Variants in CPQ observed in about 807,000 individuals in gnomAD.
CPQ encodes Ser-Met dipeptidase.
CPQ carries 37 observed loss-of-function variants against 45.7 expected under a neutral mutation model. The observed-to-expected ratio is 0.81, with a 90% CI of 0.62 to 1.07. CPQ has a LOEUF of 1.07. Ranked by LOEUF, CPQ falls within the 50% of genes least tolerant of loss-of-function variation. The probability of loss-of-function intolerance (pLI) is 0.00; values close to 1 mark genes in which losing one functional copy is unlikely to be tolerated. For missense variants in CPQ, 537 were observed against 572.9 expected (o/e 0.94, Z 0.64); for synonymous variants, 186 against 205.8 (o/e 0.90, Z 0.82).
At chr8:96,866,968 C>G (rs1489748353) in intron 3 of CPQ, among the ~76,000 whole-genome samples, 1 of 152,062 alleles carries the variant, frequency 6.6e-6, no homozygotes, top group African/African-American at 2.4e-5. Context: ...TTGCCTACTT[C>G]AAAGTACCAG....
intron 7 of CPQ, among the ~76,000 whole-genome samples, chr8:97,094,492 C>A (rs1390658653): frequency 6.6e-6 from 1 of 152,114 alleles, no homozygotes; most frequent in Non-Finnish European, 1.5e-5. Flanking sequence ...GTCACACACA[C>A]CTGTCACCAC....
At chr8:96,936,002 A>G (rs1252376810) in intron 4 of CPQ, among the ~76,000 whole-genome samples, 1 of 151,946 alleles carries the variant, frequency 6.6e-6, no homozygotes, top group Non-Finnish European at 1.5e-5. Flanking sequence ...CCAATGTCTT[A>G]TGAGCCCAAG....
chr8:96,826,328 C>T (rs903914970), intron 2 of CPQ, among the ~76,000 whole-genome samples: 1 of 152,032 alleles, frequency 6.6e-6, no homozygotes, highest in Non-Finnish European at 1.5e-5. Flanking sequence ...TTCTATCAGT[C>T]AGCCATAGAT....
chr8:97,131,591 C>G (rs114935458), intron 7 of CPQ, among the ~76,000 whole-genome samples: 2,072 of 152,304 alleles, frequency 0.014, 58 homozygotes, highest in African/African-American at 0.046. Flanking sequence ...GTCCCTCTAG[C>G]TATAATTCTA....
intron 3 of CPQ, among the ~76,000 whole-genome samples, chr8:96,855,128 G>A (rs1306894348): frequency 7.9e-5 from 12 of 152,138 alleles, no homozygotes; most frequent in African/African-American, 2.9e-4. Flanking sequence ...TGCTTGAATA[G>A]GGTCCACTCA....
At chr8:96,758,925 A>G (rs1383635592) in intron 1 of CPQ, among the ~76,000 whole-genome samples, 1 of 152,156 alleles carries the variant, frequency 6.6e-6, no homozygotes, top group African/African-American at 2.4e-5. Flanking sequence ...CATGTTTCAT[A>G]CATACCTACT....
chr8:96,727,247 T>A (rs1809855241), intron 1 of CPQ, among the ~76,000 whole-genome samples: 2 of 152,168 alleles, frequency 1.3e-5, no homozygotes, highest in Admixed American at 1.3e-4. Flanking sequence ...CAACAGCATT[T>A]TTTTTCTTTT....
intron 3 of CPQ, among the ~76,000 whole-genome samples, chr8:96,850,583 A>ATTTT (rs1157345356): frequency 1.8e-4 from 19 of 105,078 alleles, no homozygotes; most frequent in Middle Eastern, 5.2e-3. Flanking sequence ...ATTTTATTTT[A>ATTTT]TTTTATTTAT....
At chr8:97,082,335 C>T (rs753362323) in intron 7 of CPQ, among the ~76,000 whole-genome samples, 2 of 152,144 alleles carry the variant, frequency 1.3e-5, no homozygotes, top group Non-Finnish European at 2.9e-5. Context: ...GCAAAAAATT[C>T]ATCCTATCTG....
At chr8:97,039,589 C>T (rs908046795) in intron 6 of CPQ, among the ~76,000 whole-genome samples, 6 of 151,758 alleles carry the variant, frequency 4.0e-5, no homozygotes, top group South Asian at 2.1e-4. Context: ...CCCATTAACT[C>T]GTCATTTAGC....
chr8:96,692,306 A>G (rs111709198), intron 1 of CPQ, among the ~76,000 whole-genome samples: 3,541 of 151,996 alleles, frequency 0.023, 152 homozygotes, highest in African/African-American at 0.081. Flanking sequence ...GTTGTGGTTC[A>G]TAATAATTAT....
chr8:96,865,498 G>A (rs547416499), intron 3 of CPQ, among the ~76,000 whole-genome samples: 1 of 152,016 alleles, frequency 6.6e-6, no homozygotes, highest in Non-Finnish European at 1.5e-5. Context: ...GTGTATGGTC[G>A]ATATGCTACC....
At chr8:96,996,901 T>A (rs1271573224) in intron 5 of CPQ, among the ~76,000 whole-genome samples, 1 of 152,018 alleles carries the variant, frequency 6.6e-6, no homozygotes, top group Non-Finnish European at 1.5e-5. Flanking sequence ...ATTAGTGGAA[T>A]AAGGTAGGCA....
intron 7 of CPQ, among the ~76,000 whole-genome samples, chr8:97,082,852 T>C (rs1395374804): frequency 1.3e-5 from 2 of 152,186 alleles, no homozygotes; most frequent in Non-Finnish European, 2.9e-5. Flanking sequence ...TATTTATTTA[T>C]GTAAGTGTTA....
intron 1 of CPQ, among the ~76,000 whole-genome samples, chr8:96,649,228 T>C (rs907766090): frequency 6.6e-6 from 1 of 152,218 alleles, no homozygotes; most frequent in Non-Finnish European, 1.5e-5. Context: ...CTGCCTGCCT[T>C]GGCCTCCCAA....
At chr8:97,140,631 TC>T (rs1269703842) in intron 7 of CPQ, among the ~76,000 whole-genome samples, 4 of 152,036 alleles carry the variant, frequency 2.6e-5, no homozygotes, top group Admixed American at 6.5e-5. Context: ...GATGTTCGGT[TC>T]CCCCCAATTT....
At chr8:96,824,154 G>A (rs952473799) in intron 2 of CPQ, among the ~76,000 whole-genome samples, 6 of 151,992 alleles carry the variant, frequency 3.9e-5, no homozygotes, top group African/African-American at 1.4e-4. Context: ...TCAATGACCA[G>A]AAGTACTGTT....
At chr8:97,136,467 G>C (rs554689835) in intron 7 of CPQ, among the ~76,000 whole-genome samples, 3 of 152,180 alleles carry the variant, frequency 2.0e-5, no homozygotes, top group Non-Finnish European at 4.4e-5. Flanking sequence ...TTGGAAGTTG[G>C]ATATCATTAG....
intron 2 of CPQ, among the ~76,000 whole-genome samples, chr8:96,816,354 A>G (rs1401910289): frequency 2.0e-5 from 3 of 152,140 alleles, no homozygotes; most frequent in Admixed American, 6.6e-5. Flanking sequence ...GCAGTAATTT[A>G]GTCATATCTT....
Sources: gnomAD v4.1 joint callset for allele counts (sites outside exome capture counted in the v4.1 genomes callset) on GRCh38, gnomAD v4.1.1 for gene constraint, MANE v1.5 for transcripts, NCBI Gene and HGNC (gene_info 2026-07-23, HGNC 2026-07-21) for gene names.